Variants in PEAK1 observed in about 807,000 individuals in gnomAD.
The protein encoded by PEAK1 is pseudopodium enriched atypical kinase 1.
A neutral mutation model predicts 124.7 loss-of-function variants in PEAK1; 54 were observed. The ratio of observed to expected loss-of-function variants is 0.43; its 90% CI spans 0.35 to 0.54. The LOEUF (loss-of-function observed/expected upper bound fraction) is 0.54. PEAK1 is among the 20% of genes least tolerant of loss of function. The probability of loss-of-function intolerance (pLI) is 0.01; values close to 1 mark genes in which losing one functional copy is unlikely to be tolerated. For synonymous variants in PEAK1, 719 were observed against 760.0 expected (o/e 0.95, Z 0.89); for missense variants, 2,046 against 2,134.5 (o/e 0.96, Z 0.82).
At chr15:77,250,156 C>CATATATATACATATATATGTATATGT (rs1360568473) in intron 6 of PEAK1, among the ~76,000 whole-genome samples, 110 of 132,926 alleles carry the variant, frequency 8.3e-4, no homozygotes, top group Middle Eastern at 7.6e-3. Context: ...TATATATATA[C>CATATATATACATATATATGTATATGT]ATATATATAC....
intron 1 of PEAK1, chr15:77,401,650 C>A (rs1336547668): frequency 1.0e-6 from 1 of 985,104 alleles, no homozygotes; most frequent in African/African-American, 1.7e-5. Context: ...TTCATTAGAA[C>A]TTCAATGGAC....
chr15:77,329,972 C>T (rs896310791), intron 2 of PEAK1, among the ~76,000 whole-genome samples: 2 of 152,048 alleles, frequency 1.3e-5, no homozygotes, highest in African/African-American at 4.8e-5. Context: ...GACCTATTCA[C>T]CCTCTGAATC....
chr15:77,186,340 ATAG>A (rs2057545995), intron 6 of PEAK1, among the ~76,000 whole-genome samples: 1 of 152,264 alleles, frequency 6.6e-6, no homozygotes, highest in Non-Finnish European at 1.5e-5. Context: ...CTAGTAGATA[ATAG>A]TAAAAATAAT....
chr15:77,291,551 G>A (rs1401448462), intron 2 of PEAK1, among the ~76,000 whole-genome samples: 2 of 152,084 alleles, frequency 1.3e-5, no homozygotes, highest in East Asian at 1.9e-4. Context: ...TCATTTAAAT[G>A]CTGTCAATGT....
At chr15:77,308,130 C>G (rs1034638412) in intron 2 of PEAK1, among the ~76,000 whole-genome samples, 2 of 152,014 alleles carry the variant, frequency 1.3e-5, no homozygotes, top group African/African-American at 4.8e-5. Context: ...AGATATTCAA[C>G]AGAATAAATA....
At chr15:77,320,128 G>C (rs989023227) in intron 2 of PEAK1, among the ~76,000 whole-genome samples, 8 of 152,116 alleles carry the variant, frequency 5.3e-5, no homozygotes, top group Non-Finnish European at 1.0e-4. Flanking sequence ...GCCTCCTTCA[G>C]TCATCCAGGA....
At chr15:77,276,939 G>A (rs1401192002) in intron 5 of PEAK1, among the ~76,000 whole-genome samples, 1 of 152,106 alleles carries the variant, frequency 6.6e-6, no homozygotes, top group Non-Finnish European at 1.5e-5. Context: ...GTGATAAAAT[G>A]TAGCATCACC....
chr15:77,145,671 G>T (rs114529669), intron 8 of PEAK1, among the ~76,000 whole-genome samples: 3,355 of 152,162 alleles, frequency 0.022, 104 homozygotes, highest in African/African-American at 0.07. Flanking sequence ...AAAAAATCCT[G>T]ATTGTGCCTC....
chr15:77,141,374 T>G (rs1022233594), intron 8 of PEAK1, among the ~76,000 whole-genome samples: 1 of 152,090 alleles, frequency 6.6e-6, no homozygotes, highest in Non-Finnish European at 1.5e-5. Context: ...CTATAAAACA[T>G]CGCTGAAAGA....
downstream of PEAK1, chr15:77,105,924 A>C (rs904990170): frequency 1.1e-4 from 16 of 152,320 alleles, no homozygotes; most frequent in African/African-American, 3.6e-4. Context: ...AATTCTCAGG[A>C]ATGAATCCCA....
rs774601078 is a variant in PEAK1, at chr15:77,180,263, G to A, written c.1664C>T (p.Thr555Ile). The change falls in exon 7 of 10, where the codon ACT becomes ATT. Residue 555 changes from threonine to isoleucine, a missense_variant. Physicochemically the swap from Thr to Ile is moderately conservative, Grantham distance 89 (BLOSUM62 -1). Transcript: ENST00000682557. ...IPKVELITSG[T>I]GPNVPPRKNC... ...TTTCCTTGGAGGAACATTTGGTCCA[G>A]TTCCACTAGTAATTAGTTCTACTTT... 2.7e-5 allele frequency: 43 copies of A among 1,614,082 alleles called. No homozygotes were observed. Among genetic ancestry groups the A allele is most frequent in the Non-Finnish European group, 1.7e-6 (2 of 1,180,038 alleles).
chr15:77,323,569 C>A (rs1283186474), intron 2 of PEAK1, among the ~76,000 whole-genome samples: 2 of 152,132 alleles, frequency 1.3e-5, no homozygotes, highest in South Asian at 4.1e-4. Flanking sequence ...AGGAATCCAA[C>A]GTACAAGGGA....
rs1157553498 is a variant in PEAK1 at position 77,338,636 on chromosome 15, A to T, written c.-603+26527T>A. 3.6e-3 allele frequency among the ~76,000 whole-genome samples: 65 copies of T among 17,914 alleles called. No homozygotes were observed. In the Middle Eastern group the frequency reaches 0.079, roughly 22 times the overall value. 11.8% of individuals were successfully genotyped at this position (17,914 alleles called of 152,430 possible). On this transcript the variant is annotated intron_variant, in intron 2 of 9. Coordinates refer to ENST00000682557, the MANE Select transcript of PEAK1 (RefSeq NM_001385026.1). Reference sequence around the variant, plus strand: ...ACATACACCACATGAAAAATCTTTAAAAAAAAAAATATATATATATATATA... The same window carrying T: ...ACATACACCACATGAAAAATCTTTATAAAAAAAAATATATATATATATATA...
chr15:77,350,891 G>C lies in PEAK1; in HGVS notation c.-603+14272C>G, dbSNP rs183302868. 3 of 985,282 alleles carry C rather than the reference G, an allele frequency of 3.0e-6. No homozygotes were observed. In the Admixed American group the frequency reaches 1.8e-4, roughly 61 times the overall value. 61.0% of individuals were successfully genotyped at this position (985,282 alleles called of 1,614,324 possible). On this transcript the variant is annotated intron_variant, in intron 2 of 9. Coordinates refer to ENST00000682557, the MANE Select transcript of PEAK1 (RefSeq NM_001385026.1). ...ATTTCTCAATCACCTTGGATACGCA[G>C]GCATTTACTACAAACATGGCCCTCT...
rs148670720 is a variant in PEAK1 at position 77,127,570 on chromosome 15, T to C, written c.4077+5435A>G. Among the ~76,000 whole-genome samples the C allele has an allele frequency of 7.5e-4, 114 of 152,306 alleles. 4 individuals carry two copies. In the East Asian group the frequency reaches 0.017, roughly 23 times the overall value. The stretch of plus-strand genomic sequence containing the variant: ...ACTGGAGGAAAGGGAATCCTTGTCA[T>C]AACGTGGCAAAGAACTTAGCAGGAC... On this transcript the variant is annotated intron_variant, in intron 9 of 9. Transcript: ENST00000682557.
chr15:77,353,364 A>G (rs1318863806), intron 2 of PEAK1, among the ~76,000 whole-genome samples: 2 of 152,210 alleles, frequency 1.3e-5, no homozygotes, highest in South Asian at 2.1e-4. Flanking sequence ...CAACGTTGCC[A>G]GACAGAATTT....
At chr15:77,336,432 A>T in intron 2 of PEAK1, 3 of 985,406 alleles carry the variant, frequency 3.0e-6, no homozygotes, top group Non-Finnish European at 3.6e-6. Flanking sequence ...GGTTAATGGT[A>T]ACCTACTTTG....
chr15:77,210,416 A>G (rs1454108936), intron 6 of PEAK1, among the ~76,000 whole-genome samples: 2 of 152,210 alleles, frequency 1.3e-5, no homozygotes, highest in African/African-American at 4.8e-5. Context: ...AATCCAGTAA[A>G]AAGTCCATTT....
exon 7 of PEAK1, chr15:77,102,287 T>C (rs2050701844): frequency 2.0e-5 from 3 of 152,244 alleles, no homozygotes. Flanking sequence ...ATCAGCTCTT[T>C]ATAACTCAGA....
Sources: gnomAD v4.1 joint callset for allele counts (sites outside exome capture counted in the v4.1 genomes callset) on GRCh38, gnomAD v4.1.1 for gene constraint, MANE v1.5 for transcripts, NCBI Gene and HGNC (gene_info 2026-07-23, HGNC 2026-07-21) for gene names.